The following CHODL variants were observed in gnomAD, a reference collection of about 807,000 sequenced individuals.
CHODL encodes chondrolectin, also known as transmembrane protein MT75.
CHODL carries 29 observed loss-of-function variants against 34.5 expected under a neutral mutation model. The observed-to-expected ratio is 0.84, with a 90% CI of 0.63 to 1.15. The LOEUF is 1.15. Among genes scored for constraint, CHODL ranks in the 50% most tolerant of loss-of-function variants. CHODL has a pLI of 0.00. For synonymous variants in CHODL, 125 were observed against 116.1 expected (o/e 1.08, Z -0.49); for missense variants, 332 against 332.5 (o/e 1.00, Z 0.01).
intron 1 of CHODL, among the ~76,000 whole-genome samples, chr21:18,009,400 A>G (rs1568842456): frequency 6.6e-6 from 1 of 152,208 alleles, no homozygotes; most frequent in Non-Finnish European, 1.5e-5. Flanking sequence ...GAGTTGAAGA[A>G]TGGTTAATAT....
chr21:17,990,719 G>T (rs1343470004), intron 1 of CHODL, among the ~76,000 whole-genome samples: 1 of 151,868 alleles, frequency 6.6e-6, no homozygotes, highest in Non-Finnish European at 1.5e-5. Flanking sequence ...CATATTTATA[G>T]GATACATGTA....
chr21:18,179,522 T>C (rs1376927560), intron 2 of CHODL, among the ~76,000 whole-genome samples: 2 of 152,196 alleles, frequency 1.3e-5, no homozygotes, highest in East Asian at 3.9e-4. Context: ...TCTACCACTC[T>C]AGAGTTGTGG....
chr21:17,939,223 T>A (rs2063344370), intron 1 of CHODL, among the ~76,000 whole-genome samples: 1 of 152,318 alleles, frequency 6.6e-6, no homozygotes, highest in Admixed American at 6.5e-5. Context: ...GCCTGCTGAT[T>A]AGTAACTCCT....
chr21:18,136,526 G>A (rs1007702748), intron 2 of CHODL, among the ~76,000 whole-genome samples: 3 of 152,014 alleles, frequency 2.0e-5, no homozygotes, highest in African/African-American at 7.2e-5. Flanking sequence ...GCACCACTGA[G>A]TGTTTTATAT....
intron 2 of CHODL, among the ~76,000 whole-genome samples, chr21:18,037,675 G>A (rs2064327038): frequency 6.6e-6 from 1 of 151,716 alleles, no homozygotes; most frequent in African/African-American, 2.4e-5. Flanking sequence ...CAAGATCAGA[G>A]AGAATAAAGA....
chr21:18,156,081 C>A (rs912750012), intron 2 of CHODL, among the ~76,000 whole-genome samples: 1 of 152,176 alleles, frequency 6.6e-6, no homozygotes, highest in Non-Finnish European at 1.5e-5. Context: ...TGACGTATTT[C>A]TTTTGACCTT....
chr21:18,187,097 A>T (rs2073451561), intron 2 of CHODL, among the ~76,000 whole-genome samples: 2 of 152,176 alleles, frequency 1.3e-5, no homozygotes, highest in African/African-American at 4.8e-5. Flanking sequence ...AAAAATGCAA[A>T]GTTTGGGCAG....
chr21:18,067,039 C>G (rs1419378589), intron 2 of CHODL, among the ~76,000 whole-genome samples: 3 of 152,186 alleles, frequency 2.0e-5, no homozygotes, highest in Non-Finnish European at 2.9e-5. Flanking sequence ...TCTGGCAGCT[C>G]TAGTGAACTA....
At chr21:18,045,493 T>C (rs919552709) in intron 2 of CHODL, among the ~76,000 whole-genome samples, 2 of 151,882 alleles carry the variant, frequency 1.3e-5, no homozygotes, top group Non-Finnish European at 2.9e-5. Flanking sequence ...AGCCAAGGAA[T>C]ACCTGGAACT....
chr21:18,104,494 C>T (rs1203439709), intron 2 of CHODL, among the ~76,000 whole-genome samples: 1 of 152,154 alleles, frequency 6.6e-6, no homozygotes, highest in Non-Finnish European at 1.5e-5. Context: ...TTATAAATTT[C>T]CCAGTCTCAG....
chr21:18,200,894 G>A (rs2073643396), intron 2 of CHODL, among the ~76,000 whole-genome samples: 1 of 152,112 alleles, frequency 6.6e-6, no homozygotes, highest in African/African-American at 2.4e-5. Context: ...ACAAGTTAGG[G>A]AACTGGAAGG....
At chr21:18,232,941 T>TTTTATATATATATATATATATATA (rs752640406) in intron 2 of CHODL, among the ~76,000 whole-genome samples, 21 of 97,602 alleles carry the variant, frequency 2.2e-4, no homozygotes, top group South Asian at 2.0e-3. Flanking sequence ...CATGATGTTA[T>TTTTATATATATATATATATATATA]GATATATATA....
At chr21:18,239,084 G>C (rs2074056977) in intron 2 of CHODL, among the ~76,000 whole-genome samples, 1 of 152,038 alleles carries the variant, frequency 6.6e-6, no homozygotes, top group Admixed American at 6.6e-5. Context: ...TGCTGTAAAG[G>C]ATCAAGCAAT....
intron 2 of CHODL, among the ~76,000 whole-genome samples, chr21:18,191,254 T>G (rs2073507111): frequency 6.6e-6 from 1 of 152,174 alleles, no homozygotes; most frequent in Non-Finnish European, 1.5e-5. Flanking sequence ...TGTAGCAATT[T>G]GTTATCTTAG....
At chr21:18,236,700 T>A (rs2074031787) in intron 2 of CHODL, among the ~76,000 whole-genome samples, 1 of 152,124 alleles carries the variant, frequency 6.6e-6, no homozygotes, top group Non-Finnish European at 1.5e-5. Context: ...ATTAAAAATC[T>A]GTAAAATATT....
At chr21:18,087,457 A>AG (rs1478030821) in intron 2 of CHODL, among the ~76,000 whole-genome samples, 1 of 152,130 alleles carries the variant, frequency 6.6e-6, no homozygotes, top group Non-Finnish European at 1.5e-5. Context: ...TCAAGCAAGC[A>AG]GGGGGGCACG....
At chr21:18,054,251 T>C (rs2064552188) in intron 2 of CHODL, among the ~76,000 whole-genome samples, 1 of 151,974 alleles carries the variant, frequency 6.6e-6, no homozygotes, top group Admixed American at 6.6e-5. Flanking sequence ...CTTAACTAAC[T>C]GATGTGTGAT....
intron 2 of CHODL, among the ~76,000 whole-genome samples, chr21:18,111,709 A>C (rs1459140945): frequency 6.6e-6 from 1 of 152,166 alleles, no homozygotes; most frequent in African/African-American, 2.4e-5. Context: ...TTCTTTATCA[A>C]TTACTTACTT....
At chr21:18,196,085 A>T (rs2073584660) in intron 2 of CHODL, among the ~76,000 whole-genome samples, 1 of 152,210 alleles carries the variant, frequency 6.6e-6, no homozygotes, top group South Asian at 2.1e-4. Context: ...TTCCAGCTCT[A>T]CATATGTACA....
Sources: allele counts gnomAD v4.1 joint callset (sites outside exome capture counted in the v4.1 genomes callset), GRCh38; gene constraint gnomAD v4.1.1; transcripts MANE v1.5; gene names NCBI Gene and HGNC (gene_info 2026-07-23, HGNC 2026-07-21).